The following DDX21 variants were observed in gnomAD, a reference collection of about 807,000 sequenced individuals.
DDX21 encodes the protein nucleolar RNA helicase 2.
DDX21 carries 18 observed loss-of-function variants against 90.0 expected under a neutral mutation model. The ratio of observed to expected loss-of-function variants is 0.20; its 90% CI spans 0.14 to 0.30. The LOEUF (loss-of-function observed/expected upper bound fraction) is 0.30, where lower values mean the gene tolerates loss of function less well. DDX21 is among the 10% of genes least tolerant of loss of function. DDX21 has a pLI of 1.00. For synonymous variants in DDX21, 294 were observed against 318.0 expected (o/e 0.92, Z 0.80); for missense variants, 673 against 944.5 (o/e 0.71, Z 3.77).
At chr10:68,981,329 T>A (rs547086199) in intron 13 of DDX21, among the ~76,000 whole-genome samples, 1 of 152,210 alleles carries the variant, frequency 6.6e-6, no homozygotes. Context: ...TTTGGGGTTC[T>A]TTTTTTCAAT....
chr10:68,971,437 G>A (rs983757294), intron 8 of DDX21, among the ~76,000 whole-genome samples: 70 of 151,964 alleles, frequency 4.6e-4, no homozygotes, highest in African/African-American at 1.6e-3. Flanking sequence ...AGTAGAGACC[G>A]AGTCTTGCCA....
intron 11 of DDX21, 86 bp from the exon 12 acceptor site, chr10:68,977,443 A>G: frequency 7.8e-7 from 1 of 1,282,880 alleles, no homozygotes; most frequent in Non-Finnish European, 1.1e-6. Context: ...AAGATTTGGA[A>G]AGTTACTCAT....
At chr10:68,972,373 G>A (rs559798202) in intron 9 of DDX21, among the ~76,000 whole-genome samples, 1 of 152,170 alleles carries the variant, frequency 6.6e-6, no homozygotes, top group Non-Finnish European at 1.5e-5. Context: ...GAGCCTAGAG[G>A]ACAGGGGAGA....
Position 68,982,628 on chromosome 10 carries a change from G to A in DDX21, c.2168G>A (p.Gly723Asp). The A allele has an allele frequency of 1.2e-6, 2 of 1,613,344 alleles. No homozygotes were observed. Among genetic ancestry groups the A allele is most frequent in the Non-Finnish European group, 1.7e-6 (2 of 1,179,704 alleles). The change falls in exon 15 of 15, where the codon GGC (glycine) becomes GAC (aspartate). Residue 723 changes from glycine (G) to aspartate (D), a missense_variant. Transcript: ENST00000354185. ...ELEGPREGYG[G>D]FRGQREGSRG... is the part of the protein sequence containing the mutation. The stretch of plus-strand genomic sequence containing the variant: ...GAAGGACCACGGGAAGGATATGGAG[G>A]CTTCAGGGGACAGCGGGAAGGCAGT...
Position 68,964,395 on chromosome 10 carries a change from T to C in DDX21, c.786+926T>C, listed in dbSNP as rs114762609. Reference sequence around the variant, plus strand: ...ATCCCTAGCACATTTTAGATGAATGTATTAGGTGTTCTTGAATCATATTAG... The same window carrying C: ...ATCCCTAGCACATTTTAGATGAATGCATTAGGTGTTCTTGAATCATATTAG... On this transcript the variant is annotated intron_variant, in intron 4 of 14. Coordinates refer to ENST00000354185, the MANE Select transcript of DDX21 (RefSeq NM_004728.4). 5.7e-3 allele frequency among the ~76,000 whole-genome samples: 865 copies of C among 152,336 alleles called. 16 individuals are homozygous for C. The highest frequency in any genetic ancestry group is 0.02 in the African/African-American group (815 of 41,580).
chr10:68,975,918 G>A (rs1446651667), intron 11 of DDX21, among the ~76,000 whole-genome samples: 3 of 151,840 alleles, frequency 2.0e-5, no homozygotes, highest in East Asian at 1.9e-4. Context: ...GCGTGGTTGC[G>A]CACGCCTATA....
At chr10:68,979,041 T>C in intron 13 of DDX21, 65 bp downstream of exon 13, 2 of 1,601,386 alleles carry the variant, frequency 1.2e-6, no homozygotes, top group South Asian at 2.2e-5. Flanking sequence ...CAGTGTGGTG[T>C]GGGTTCTTCC....
At chr10:68,964,274 CTG>C (rs1842910658) in intron 4 of DDX21, among the ~76,000 whole-genome samples, 1 of 152,130 alleles carries the variant, frequency 6.6e-6, no homozygotes, top group Non-Finnish European at 1.5e-5. Flanking sequence ...GTCACTTTGG[CTG>C]TGGGTTCTTG....
chr10:68,977,941 C>G (rs1420818089), intron 12 of DDX21, among the ~76,000 whole-genome samples: 2 of 150,614 alleles, frequency 1.3e-5, no homozygotes, highest in African/African-American at 2.4e-5. Context: ...TACTCTGTCT[C>G]TACAAAAAAA....
At chr10:68,978,115 G>A (rs867599334) in intron 12 of DDX21, among the ~76,000 whole-genome samples, 2 of 152,024 alleles carry the variant, frequency 1.3e-5, no homozygotes, top group South Asian at 4.2e-4. Context: ...GTGAGACTCT[G>A]TCTCAGAAAA....
At chr10:68,963,960 C>T (rs1299867135) in intron 4 of DDX21, 1 of 196,794 alleles carries the variant, frequency 5.1e-6, no homozygotes, top group South Asian at 6.3e-5. Context: ...ATTAGCCGGG[C>T]GTGGTGGCGG....
rs910048383 is a variant in DDX21 at position 68,984,772 on chromosome 10, A to G, written c.*1960A>G. ...AAGATTAATAGAAATTTCACTTCAC[A>G]TAACTTAAAACATGGCTATTTCAAT... is the stretch of plus-strand genomic sequence containing the variant. On this transcript the variant is annotated 3_prime_UTR_variant, in exon 15 of 15. Coordinates refer to ENST00000354185, the MANE Select transcript of DDX21 (RefSeq NM_004728.4). 6.6e-6 allele frequency: 1 copy of G among 152,216 alleles called. No homozygotes were observed. Among genetic ancestry groups the G allele is most frequent in the Non-Finnish European group, 1.5e-5 (1 of 68,030 alleles). 9.4% of individuals were successfully genotyped at this position (152,216 alleles called of 1,614,324 possible).
intron 2 of DDX21, 88 bp downstream of exon 2, chr10:68,960,337 G>A: frequency 7.5e-7 from 1 of 1,336,480 alleles, no homozygotes; most frequent in Non-Finnish European, 1.0e-6. Context: ...CTCTTTAATA[G>A]TAGGAGAAAA....
Position 68,983,045 on chromosome 10 carries a change from T to C in DDX21, c.*233T>C, listed in dbSNP as rs139070171. 1.3e-3 allele frequency: 757 copies of C among 584,304 alleles called. 1 individual carries two copies. Among genetic ancestry groups the C allele is most frequent in the African/African-American group, 7.0e-3 (378 of 53,770 alleles). The allele number at this position is 584,304 out of a possible 1,614,324, so 36.2% of individuals were successfully genotyped here. A position where few individuals can be genotyped will look rare whatever the true frequency, so the allele number is the denominator to read the frequency against. On this transcript the variant is annotated 3_prime_UTR_variant, in exon 15 of 15. Transcript: ENST00000354185. ...TTTTTCCTTTTGAAAGGTGTATGAA[T>C]TCATTACATTTTTATTCTAATGTAT...
chr10:68,965,716 G>A (rs1340867788), intron 5 of DDX21, among the ~76,000 whole-genome samples: 1 of 152,104 alleles, frequency 6.6e-6, no homozygotes, highest in South Asian at 2.1e-4. Context: ...TATTTATCTA[G>A]GGGCTACAAA....
chr10:68,971,971 A>G lies in DDX21; in HGVS notation c.1467A>G (p.Gly489=). The change falls in exon 9 of 15, where the codon GGA becomes GGG. Residue 489 remains glycine (G), a synonymous_variant. Coordinates refer to ENST00000354185, the MANE Select transcript of DDX21 (RefSeq NM_004728.4). ...TLKGFRNGSF[G]VLVATNVAAR... The stretch of plus-strand genomic sequence containing the variant: ...AAGGTTTTAGAAATGGTAGTTTTGG[A>G]GTTTTGGTGGCAACCAATGTTGCTG... 6.2e-7 allele frequency: 1 copy of G among 1,614,144 alleles called. No individual in the cohort carries two copies. Among genetic ancestry groups the G allele is most frequent in the Non-Finnish European group, 8.5e-7 (1 of 1,180,012 alleles).
chr10:68,983,698 T>TAAAAAAAAAAAAAAA lies in DDX21; in HGVS notation c.*893_*907dup, dbSNP rs3086423. 1 of 111,268 alleles carries TAAAAAAAAAAAAAAA rather than the reference T, an allele frequency of 9.0e-6. No individual in the cohort carries two copies. Among genetic ancestry groups the TAAAAAAAAAAAAAAA allele is most frequent in the Non-Finnish European group, 1.8e-5 (1 of 54,620 alleles). The allele number at this position is 111,268 out of a possible 1,614,324, so 6.9% of individuals were successfully genotyped here. A position where few individuals can be genotyped will look rare whatever the true frequency, so the allele number is the denominator to read the frequency against. ...CAGATTAGCATTGCTCAAGAGTATG[T>TAAAAAAAAAAAAAAA]AAAAAAAAAAAAAAAAAAAAAGAAC... On this transcript the variant is annotated 3_prime_UTR_variant, in exon 15 of 15. Coordinates refer to ENST00000354185, the MANE Select transcript of DDX21 (RefSeq NM_004728.4).
intron 2 of DDX21, 51 bp from the exon 3 acceptor site, chr10:68,962,031 T>TGTA (rs1227148649): frequency 5.8e-6 from 8 of 1,388,420 alleles, no homozygotes; most frequent in Admixed American, 1.9e-5. Flanking sequence ...GGTTCTCTAT[T>TGTA]AATTTGTGTA....
intron 1 of DDX21, chr10:68,956,799 T>G: frequency 1.0e-6 from 1 of 980,966 alleles, no homozygotes; most frequent in African/African-American, 1.8e-5. Flanking sequence ...TCCCAACACT[T>G]TGGGAGGCCG....
Sources: gnomAD v4.1 joint callset for allele counts (sites outside exome capture counted in the v4.1 genomes callset) on GRCh38, gnomAD v4.1.1 for gene constraint, MANE v1.5 for transcripts, NCBI Gene and HGNC (gene_info 2026-07-23, HGNC 2026-07-21) for gene names.